OR2L3: variants seen among roughly 807,000 people sequenced by gnomAD.
OR2L3 encodes the protein olfactory receptor 2L3.
For missense variants in OR2L3, 369 were observed against 376.6 expected, an observed-to-expected ratio of 0.98 and a Z score of 0.17; for synonymous variants, 131 against 139.1, an observed-to-expected ratio of 0.94 and a Z score of 0.41.
Position 248,060,664 on chromosome 1 carries a change from A to ATGG in OR2L3, c.-18_-17insTGG. On this transcript the variant is annotated 5_prime_UTR_variant, in exon 2 of 2. It adds an upstream start codon to the 5' untranslated region. Coordinates refer to ENST00000359959, the MANE Select transcript of OR2L3 (RefSeq NM_001004687.2). ...TTACCCTTGTGTCTCCCTTCAGGAAAGAGCACACGAATGCCCCATGGAAAA... is the reference window on the plus strand; with the variant it reads ...TTACCCTTGTGTCTCCCTTCAGGAAATGGGAGCACACGAATGCCCCATGGAAAA... 1 of 1,590,202 alleles carries ATGG rather than the reference A, an allele frequency of 6.3e-7. No homozygotes were observed. The highest frequency in any genetic ancestry group is 8.6e-7 in the Non-Finnish European group (1 of 1,163,040).
At chr1:248,059,192 G>A (rs1171696441) in intron 1 of OR2L3, among the ~76,000 whole-genome samples, 1 of 152,050 alleles carries the variant, frequency 6.6e-6, no homozygotes, top group Non-Finnish European at 1.5e-5. Flanking sequence ...AGTTGTATAC[G>A]TGGTTATAGT....
rs367868773 is a variant in OR2L3, at chr1:248,062,797, G to T, written c.*1177G>T. ...AGGTGATGGTTACCCCGATTAACCC[G>T]ATTTGATCATTATGCATTGTATGCC... On this transcript the variant is annotated 3_prime_UTR_variant, in exon 2 of 2. Coordinates refer to ENST00000359959, the MANE Select transcript of OR2L3 (RefSeq NM_001004687.2). The T allele has an allele frequency of 6.6e-6, 1 of 152,120 alleles. No individual in the cohort carries two copies. The highest frequency in any genetic ancestry group is 2.4e-5 in the African/African-American group (1 of 41,426). 9.4% of individuals were successfully genotyped at this position (152,120 alleles called of 1,614,324 possible). A position where few individuals can be genotyped will look rare whatever the true frequency, so the allele number is the denominator to read the frequency against.
chr1:248,061,573 G>T lies in OR2L3; in HGVS notation c.892G>T (p.Gly298Trp), dbSNP rs762835906. 18 of 1,613,492 alleles carry T rather than the reference G, an allele frequency of 1.1e-5. No homozygotes were observed. In the Admixed American group the frequency reaches 2.8e-4, roughly 25 times the overall value. Reference sequence around the variant, plus strand: ...TAGCCTGAGGAACAAGGAGGTGATGGGGGCCCTGACACGAGTGAGTCAGAG... The same window carrying T: ...TAGCCTGAGGAACAAGGAGGTGATGTGGGCCCTGACACGAGTGAGTCAGAG... ...IYSLRNKEVM[G>W]ALTRVSQRIC... is the part of the protein sequence containing the mutation. Residue 298 changes from glycine (G) to tryptophan (W), a missense_variant, in exon 2 of 2, where the codon GGG (glycine) becomes TGG (tryptophan). Gly to Trp is a radical substitution (Grantham distance 184). Transcript: ENST00000359959.
At position 248,062,159 on chromosome 1, in the gene OR2L3, T is replaced by C. The variant is rs1199697704; in HGVS notation, c.*539T>C. 6.5e-6 allele frequency: 1 copy of C among 153,166 alleles called. No homozygotes were observed. Among genetic ancestry groups the C allele is most frequent in the Non-Finnish European group, 1.5e-5 (1 of 68,794 alleles). The allele number at this position is 153,166 out of a possible 1,614,324, so 9.5% of individuals were successfully genotyped here. ...TTAGCAGAGAGCTCATCAGGGATTC[T>C]TAAGTCCTGATACCACTCTGGATGG... is the stretch of plus-strand genomic sequence containing the variant. On this transcript the variant is annotated 3_prime_UTR_variant, in exon 2 of 2. Coordinates refer to ENST00000359959, the MANE Select transcript of OR2L3 (RefSeq NM_001004687.2).
In OR2L3 at chr1:248,046,896, G is replaced by A. The variant is rs1466517626; in HGVS notation, c.-22+16G>A. 2 of 152,202 alleles carry A rather than the reference G, an allele frequency of 1.3e-5. No homozygotes were observed. Among genetic ancestry groups the A allele is most frequent in the African/African-American group, 4.8e-5 (2 of 41,452 alleles). 9.4% of individuals were successfully genotyped at this position (152,202 alleles called of 1,614,324 possible). Reference sequence around the variant, plus strand: ...AATAATAAAGGTACTAATTATAATTGTATTTTTAAATTTTTATTGATTACA... The same window carrying A: ...AATAATAAAGGTACTAATTATAATTATATTTTTAAATTTTTATTGATTACA... On this transcript the variant is annotated intron_variant, in intron 1 of 1. Transcript: ENST00000359959.
chr1:248,057,476 T>A (rs1459692510), intron 1 of OR2L3, among the ~76,000 whole-genome samples: 1 of 152,214 alleles, frequency 6.6e-6, no homozygotes, highest in African/African-American at 2.4e-5. Flanking sequence ...TTTCCTTTTT[T>A]CCTTTTGCTT....
intron 1 of OR2L3, 118 bp from the exon 2 acceptor site, chr1:248,060,543 G>C (rs904934990): frequency 1.5e-6 from 1 of 674,022 alleles, no homozygotes; most frequent in South Asian, 1.9e-5. Flanking sequence ...GAAAATAATA[G>C]TGTATATAGG....
chr1:248,055,031 A>T (rs1304232752), intron 1 of OR2L3, among the ~76,000 whole-genome samples: 1 of 152,220 alleles, frequency 6.6e-6, no homozygotes, highest in Non-Finnish European at 1.5e-5. Flanking sequence ...TTCAAAGGGA[A>T]TGCTTCCAGT....
intron 1 of OR2L3, among the ~76,000 whole-genome samples, chr1:248,052,908 T>C (rs980443544): frequency 6.6e-6 from 1 of 152,160 alleles, no homozygotes; most frequent in Non-Finnish European, 1.5e-5. Flanking sequence ...TACTAATTTT[T>C]TTGGCTTTGT....
At chr1:248,053,414 T>C (rs1426440681) in intron 1 of OR2L3, among the ~76,000 whole-genome samples, 1 of 152,226 alleles carries the variant, frequency 6.6e-6, no homozygotes, top group African/African-American at 2.4e-5. Flanking sequence ...GCAATGAACA[T>C]ACACATGCCA....
In OR2L3 at chr1:248,062,071, T is replaced by G. The variant is rs1243232968; in HGVS notation, c.*451T>G. 1 of 159,486 alleles carries G rather than the reference T, an allele frequency of 6.3e-6. No individual in the cohort carries two copies. The highest frequency in any genetic ancestry group is 1.4e-5 in the Non-Finnish European group (1 of 72,240). 9.9% of individuals were successfully genotyped at this position (159,486 alleles called of 1,614,324 possible). A position where few individuals can be genotyped will look rare whatever the true frequency, so the allele number is the denominator to read the frequency against. On this transcript the variant is annotated 3_prime_UTR_variant, in exon 2 of 2. Transcript: ENST00000359959. ...AAAGCTGTAAGATGTTTTGTCTTTC[T>G]TATCTTAGACACTTAACGTACCAAT...
intron 1 of OR2L3, among the ~76,000 whole-genome samples, chr1:248,055,182 G>A (rs1211292307): frequency 1.3e-5 from 2 of 152,014 alleles, no homozygotes; most frequent in African/African-American, 4.8e-5. Flanking sequence ...CCTTTTCTGT[G>A]TCTATTGAGA....
rs531966135 is a variant in OR2L3, at chr1:248,060,803, A to C, written c.122A>C (p.Asn41Thr). The change falls in exon 2 of 2, where the codon AAC (asparagine) becomes ACC (threonine). Residue 41 changes from asparagine (N) to threonine (T), a missense_variant. By Grantham distance (65) the Asn-to-Thr change is moderately conservative. Coordinates refer to ENST00000359959, the MANE Select transcript of OR2L3 (RefSeq NM_001004687.2). ...VFIFLMALIGNLSMILLIFLD... is the reference protein window; with the variant it reads ...VFIFLMALIGTLSMILLIFLD... ...ATTTTCCTAATGGCTCTAATTGGAA[A>C]CCTATCCATGATTCTTCTCATCTTC... 6.2e-7 allele frequency: 1 copy of C among 1,613,948 alleles called. No individual in the cohort carries two copies. The highest frequency in any genetic ancestry group is 1.3e-5 in the African/African-American group (1 of 74,982).
chr1:248,049,828 C>T (rs1259149459), intron 1 of OR2L3, among the ~76,000 whole-genome samples: 76 of 152,212 alleles, frequency 5.0e-4, no homozygotes, highest in Admixed American at 4.8e-3. Context: ...GGATGAACTA[C>T]ACCACACATT....
In OR2L3 at chr1:248,048,921, C is replaced by CTTTTTTTTTTTTTTTT. The variant is rs201552371; in HGVS notation, c.-22+2042_-22+2043insTTTTTTTTTTTTTTTT. On this transcript the variant is annotated intron_variant, in intron 1 of 1. Transcript: ENST00000359959. ...CAGCTTTTTCTTTCCTTTTCTCTCT[C>CTTTTTTTTTTTTTTTT]TCTTTTTTTTTTTTTTGGTAAATCC... 1.4e-5 allele frequency among the ~76,000 whole-genome samples: 2 copies of CTTTTTTTTTTTTTTTT among 141,958 alleles called. 1 individual carries two copies. Among genetic ancestry groups the CTTTTTTTTTTTTTTTT allele is most frequent in the African/African-American group, 5.7e-5 (2 of 35,096 alleles). The allele number at this position is 141,958 out of a possible 152,430, so 93.1% of individuals were successfully genotyped here. A position where few individuals can be genotyped will look rare whatever the true frequency, so the allele number is the denominator to read the frequency against.
intron 1 of OR2L3, among the ~76,000 whole-genome samples, chr1:248,055,616 G>T (rs1274625899): frequency 1.3e-5 from 2 of 152,160 alleles, no homozygotes; most frequent in Non-Finnish European, 2.9e-5. Context: ...AATTAGCCAG[G>T]CATGGTGTTG....
At chr1:248,047,004 C>T (rs1231043913) in intron 1 of OR2L3, 124 bp downstream of exon 1, 2 of 152,138 alleles carry the variant, frequency 1.3e-5, no homozygotes, top group Non-Finnish European at 2.9e-5. Context: ...AATAACTGTA[C>T]TTTCTATAAC....
rs1663372121 is a variant in OR2L3, at chr1:248,054,554, T to C, written c.-21-6107T>C. Among the ~76,000 whole-genome samples, 10 of 152,218 alleles carry C rather than the reference T, an allele frequency of 6.6e-5. 1 individual carries two copies. Among genetic ancestry groups the C allele is most frequent in the Admixed American group, 6.5e-4 (10 of 15,276 alleles). On this transcript the variant is annotated intron_variant, in intron 1 of 1. Coordinates refer to ENST00000359959, the MANE Select transcript of OR2L3 (RefSeq NM_001004687.2). ...GGCGGTATGGCCATTTTCACAATAT[T>C]GATTCTTCCTATCCATGAGTATGGA...
chr1:248,052,469 C>T (rs746725649), intron 1 of OR2L3, among the ~76,000 whole-genome samples: 5 of 152,044 alleles, frequency 3.3e-5, no homozygotes, highest in Non-Finnish European at 7.4e-5. Context: ...TGGCTCATGC[C>T]GGTAATCCCA....
Sources: allele counts gnomAD v4.1 joint callset (sites outside exome capture counted in the v4.1 genomes callset), GRCh38; gene constraint gnomAD v4.1.1; transcripts MANE v1.5; gene names NCBI Gene and HGNC (gene_info 2026-07-23, HGNC 2026-07-21).